The following UTP18 variants were observed in gnomAD, a reference collection of about 807,000 sequenced individuals.
The protein encoded by UTP18 is U3 small nucleolar RNA-associated protein 18 homolog.
A neutral mutation model predicts 61.1 loss-of-function variants in UTP18; 36 were observed. The observed-to-expected ratio is 0.59, with a 90% CI of 0.45 to 0.78. The LOEUF (loss-of-function observed/expected upper bound fraction) is 0.78, where lower values mean the gene tolerates loss of function less well. Ranked by LOEUF, UTP18 falls within the 30% of genes least tolerant of loss-of-function variation. UTP18 has a pLI of 0.00. For synonymous variants in UTP18, 282 were observed against 251.1 expected (o/e 1.12, Z -1.16); for missense variants, 753 against 693.9 (o/e 1.09, Z -0.96).
In UTP18 at chr17:51,281,154, A is replaced by G. The variant is rs534102140; in HGVS notation, c.1204+675A>G. Among the ~76,000 whole-genome samples, 9 of 96,792 alleles carry G rather than the reference A, an allele frequency of 9.3e-5. No homozygotes were observed. The South Asian group carries it at 2.4e-3, about 26-fold the overall frequency. The allele number at this position is 96,792 out of a possible 152,430, so 63.5% of individuals were successfully genotyped here. On this transcript the variant is annotated intron_variant, in intron 9 of 13. Coordinates refer to ENST00000225298, the MANE Select transcript of UTP18 (RefSeq NM_016001.3). ...ATCACGTCTCAAAATATATATATAT[A>G]TATATATATATTTTTTTTAAACGAA... is the stretch of plus-strand genomic sequence containing the variant.
At chr17:51,273,311 G>T (rs375134330) in intron 4 of UTP18, 51 bp from the exon 5 acceptor site, 6 of 1,413,688 alleles carry the variant, frequency 4.2e-6, no homozygotes, top group Non-Finnish European at 5.8e-6. Flanking sequence ...GTAGGTAAAA[G>T]GGGCAGCTCA....
intron 10 of UTP18, among the ~76,000 whole-genome samples, chr17:51,287,619 T>A (rs1454199423): frequency 6.6e-6 from 1 of 152,192 alleles, no homozygotes; most frequent in South Asian, 2.1e-4. Context: ...CACAAACCTT[T>A]AGGAATGCAG....
intron 2 of UTP18, among the ~76,000 whole-genome samples, chr17:51,265,231 C>T (rs1356511793): frequency 6.7e-6 from 1 of 148,230 alleles, no homozygotes; most frequent in Non-Finnish European, 1.5e-5. Context: ...AAATGTTTAT[C>T]TATATTTTTA....
chr17:51,281,164 A>ATATATATATATATATATAT (rs59857038), intron 9 of UTP18, among the ~76,000 whole-genome samples: 2 of 140,436 alleles, frequency 1.4e-5, no homozygotes, highest in African/African-American at 5.4e-5. Context: ...ATATATATAT[A>ATATATATATATATATATAT]TTTTTTTTAA....
At chr17:51,274,182 G>A (rs1377593117) in intron 5 of UTP18, among the ~76,000 whole-genome samples, 1 of 151,936 alleles carries the variant, frequency 6.6e-6, no homozygotes. Flanking sequence ...CTTTTGTTCT[G>A]CCTGCCTTGT....
intron 3 of UTP18, among the ~76,000 whole-genome samples, chr17:51,267,395 G>T (rs1168357633): frequency 6.7e-6 from 1 of 149,998 alleles, no homozygotes; most frequent in East Asian, 1.9e-4. Flanking sequence ...TAAATTTGGT[G>T]GCATTTAGTA....
intron 5 of UTP18, among the ~76,000 whole-genome samples, chr17:51,274,154 T>A (rs1249147958): frequency 6.6e-6 from 1 of 152,210 alleles, no homozygotes; most frequent in Non-Finnish European, 1.5e-5. Flanking sequence ...TTCTTGCCTG[T>A]GAACCTTTGC....
chr17:51,276,997 C>T (rs750311189), intron 6 of UTP18, 133 bp from the exon 7 acceptor site: 47 of 855,012 alleles, frequency 5.5e-5, no homozygotes, highest in African/African-American at 6.9e-5. Context: ...AATCACTGGC[C>T]GTGGCTGCTT....
Position 51,275,923 on chromosome 17 carries a change from G to C in UTP18, c.769G>C (p.Val257Leu). ...ERPTVARISS[V>L]QFHPGAQIVM... Reference sequence around the variant, plus strand: ...TCCTACTGTTGCTCGGATCTCATCTGTGCAGTTCCATCCCGGTGCACAGAT... The same window carrying C: ...TCCTACTGTTGCTCGGATCTCATCTCTGCAGTTCCATCCCGGTGCACAGAT... Residue 257 changes from valine to leucine, a missense_variant, in exon 6 of 14, where the codon GTG (valine) becomes CTG (leucine). Physicochemically the swap from Val to Leu is conservative, Grantham distance 32 (BLOSUM62 1). Transcript: ENST00000225298. The C allele has an allele frequency of 6.2e-7, 1 of 1,613,516 alleles. No homozygotes were observed. The highest frequency in any genetic ancestry group is 8.5e-7 in the Non-Finnish European group (1 of 1,179,828).
At chr17:51,272,836 A>G (rs1170128874) in intron 4 of UTP18, among the ~76,000 whole-genome samples, 1 of 152,214 alleles carries the variant, frequency 6.6e-6, no homozygotes, top group African/African-American at 2.4e-5. Context: ...AAGTTTGCTC[A>G]GCTTCTTAGC....
chr17:51,290,134 C>T (rs948401731), intron 11 of UTP18, among the ~76,000 whole-genome samples: 1 of 150,824 alleles, frequency 6.6e-6, no homozygotes, highest in Non-Finnish European at 1.5e-5. Context: ...TGTTTTGTTG[C>T]GCTGGGCACG....
chr17:51,260,958 C>T (rs1227785280), intron 1 of UTP18, 32 bp downstream of exon 1: 1 of 1,466,078 alleles, frequency 6.8e-7, no homozygotes, highest in South Asian at 1.4e-5. Context: ...GGGCTGGGCG[C>T]ACTCGGGCGG....
intron 11 of UTP18, among the ~76,000 whole-genome samples, chr17:51,289,174 T>C (rs577583475): frequency 6.6e-6 from 1 of 150,502 alleles, no homozygotes; most frequent in Admixed American, 6.6e-5. Flanking sequence ...TGGCCACCCT[T>C]GTAAGCAGAC....
chr17:51,291,139 A>T (rs1221380857), intron 11 of UTP18, among the ~76,000 whole-genome samples: 1 of 152,222 alleles, frequency 6.6e-6, no homozygotes, highest in Non-Finnish European at 1.5e-5. Flanking sequence ...CACGCCTGTA[A>T]TCCCAGCACT....
intron 1 of UTP18, 91 bp downstream of exon 1, chr17:51,261,017 G>T: frequency 8.3e-7 from 1 of 1,211,738 alleles, no homozygotes; most frequent in Non-Finnish European, 1.1e-6. Flanking sequence ...TGGGCGACCT[G>T]CGGCGGCGGG....
Position 51,277,110 on chromosome 17 carries a change from C to G in UTP18, c.838-20C>G. On this transcript the variant is annotated intron_variant, in intron 6 of 13. Coordinates refer to ENST00000225298, the MANE Select transcript of UTP18 (RefSeq NM_016001.3). ...GGTCTGTGGAAATAATCAAAAGAACCATTTTGTACTTCTTTATAGGTTGAT... is the reference window on the plus strand; with the variant it reads ...GGTCTGTGGAAATAATCAAAAGAACGATTTTGTACTTCTTTATAGGTTGAT... 8.7e-6 allele frequency: 14 copies of G among 1,607,044 alleles called. No individual in the cohort carries two copies. Among genetic ancestry groups the G allele is most frequent in the Non-Finnish European group, 1.2e-5 (14 of 1,175,604 alleles).
chr17:51,269,315 A>AAAAAAAAAAAAAC (rs1568265629), intron 4 of UTP18, among the ~76,000 whole-genome samples: 1 of 149,418 alleles, frequency 6.7e-6, no homozygotes, highest in Non-Finnish European at 1.5e-5. Context: ...AAAAAAAAAA[A>AAAAAAAAAAAAAC]AAAAAAAAAA....
chr17:51,271,970 T>C (rs1904545299), intron 4 of UTP18, among the ~76,000 whole-genome samples: 1 of 151,884 alleles, frequency 6.6e-6, no homozygotes. Flanking sequence ...GCCTGGCCTA[T>C]TGGGGGCTTA....
chr17:51,279,835 G>T (rs1278957474), intron 7 of UTP18, among the ~76,000 whole-genome samples, 170 bp from the exon 8 acceptor site: 1 of 152,170 alleles, frequency 6.6e-6, no homozygotes, highest in Non-Finnish European at 1.5e-5. Context: ...TTATGTTTGG[G>T]TCAAACTCAG....
Sources: gnomAD v4.1 joint callset for allele counts (sites outside exome capture counted in the v4.1 genomes callset) on GRCh38, gnomAD v4.1.1 for gene constraint, MANE v1.5 for transcripts, NCBI Gene and HGNC (gene_info 2026-07-23, HGNC 2026-07-21) for gene names.